The following SLC9B1 variants were observed in gnomAD, a reference collection of about 807,000 sequenced individuals.
SLC9B1 encodes the protein sodium/hydrogen exchanger 9B1.
A neutral mutation model predicts 51.7 loss-of-function variants in SLC9B1; 32 were observed. That is an observed-to-expected ratio of 0.62 (90% CI 0.47 to 0.83). SLC9B1 has a LOEUF of 0.83. SLC9B1 is among the 40% of genes least tolerant of loss of function. The pLI, the probability that SLC9B1 is intolerant of heterozygous loss-of-function variation, is 0.00. For synonymous variants in SLC9B1, 145 were observed against 212.7 expected (o/e 0.68, Z 2.77); for missense variants, 406 against 613.2 (o/e 0.66, Z 3.57).
intron 6 of SLC9B1, among the ~76,000 whole-genome samples, chr4:102,935,714 CT>C (rs35127221): frequency 0.55 from 83,147 of 151,876 alleles, 23,339 homozygotes; most frequent in African/African-American, 0.68. Flanking sequence ...AAATAATACT[CT>C]TTTTTTTCTC....
At chr4:103,005,534 T>C (rs1210995998) in intron 1 of SLC9B1, among the ~76,000 whole-genome samples, 6 of 152,124 alleles carry the variant, frequency 3.9e-5, no homozygotes, top group Non-Finnish European at 5.9e-5. Context: ...CCATTGACAG[T>C]ACTAGACAGA....
At chr4:102,886,124 A>G (rs1342134648) in intron 11 of SLC9B1, among the ~76,000 whole-genome samples, 1 of 152,232 alleles carries the variant, frequency 6.6e-6, no homozygotes, top group Non-Finnish European at 1.5e-5. Context: ...TTTAAAGGAT[A>G]TATAATGACA....
chr4:103,011,094 C>T (rs1741066223), intron 1 of SLC9B1, among the ~76,000 whole-genome samples: 1 of 152,104 alleles, frequency 6.6e-6, no homozygotes, highest in African/African-American at 2.4e-5. Context: ...AGCTGTAAGC[C>T]TATGATATCA....
intron 7 of SLC9B1, among the ~76,000 whole-genome samples, chr4:102,930,076 T>C (rs1045052957): frequency 7.2e-5 from 11 of 152,120 alleles, no homozygotes; most frequent in African/African-American, 2.2e-4. Flanking sequence ...CTAAAAGAAA[T>C]AGGCAAAAGA....
At chr4:102,945,407 T>C (rs1289255493) in intron 5 of SLC9B1, 87 bp from the exon 6 acceptor site, 35 of 1,397,398 alleles carry the variant, frequency 2.5e-5, no homozygotes, top group Non-Finnish European at 3.3e-5. Context: ...TAAAGTCTTT[T>C]TTCATAAGAA....
intron 4 of SLC9B1, among the ~76,000 whole-genome samples, chr4:102,947,082 T>C (rs1484166414): frequency 1.3e-5 from 2 of 152,014 alleles, no homozygotes; most frequent in East Asian, 3.9e-4. Context: ...TTTGGCAAAG[T>C]AAGGCACCAT....
Position 103,019,534 on chromosome 4 carries a change from C to T in SLC9B1, c.-2+65G>A, listed in dbSNP as rs1352112553. ...CTGCGGCCTACCGCAAGGAAACGAT[C>T]GCGGCAGACCCGGGACTAGCGCCAA... On this transcript the variant is annotated intron_variant, in intron 1 of 11. Coordinates refer to ENST00000296422, the MANE Select transcript of SLC9B1 (RefSeq NM_139173.4). The T allele has an allele frequency of 3.1e-6, 3 of 972,990 alleles. No homozygotes were observed. The African/African-American group carries it at 5.3e-5, about 17-fold the overall frequency. 60.3% of individuals were successfully genotyped at this position (972,990 alleles called of 1,614,324 possible).
intron 3 of SLC9B1, among the ~76,000 whole-genome samples, chr4:102,969,169 C>G (rs1209153847): frequency 6.6e-6 from 1 of 152,248 alleles, no homozygotes; most frequent in East Asian, 1.9e-4. Flanking sequence ...TCTGACAGCT[C>G]TGAAGAGAGC....
At chr4:102,936,119 G>T (rs529162759) in intron 6 of SLC9B1, among the ~76,000 whole-genome samples, 1 of 152,314 alleles carries the variant, frequency 6.6e-6, no homozygotes, top group Non-Finnish European at 1.5e-5. Context: ...GCCCTGCAAA[G>T]TTAGAGCATG....
At chr4:102,968,996 T>C (rs1475687809) in intron 3 of SLC9B1, among the ~76,000 whole-genome samples, 1 of 152,172 alleles carries the variant, frequency 6.6e-6, no homozygotes, top group East Asian at 1.9e-4. Context: ...GCGTCCACCA[T>C]TGCTGAGGCT....
chr4:102,975,793 C>T (rs986340869), intron 3 of SLC9B1, among the ~76,000 whole-genome samples: 9 of 151,196 alleles, frequency 6.0e-5, no homozygotes, highest in Middle Eastern at 3.4e-3. Context: ...GGTTTGAACT[C>T]CCAACCTCAG....
At chr4:102,939,648 A>C (rs1288186793) in intron 6 of SLC9B1, among the ~76,000 whole-genome samples, 1 of 152,186 alleles carries the variant, frequency 6.6e-6, no homozygotes, top group Non-Finnish European at 1.5e-5. Flanking sequence ...AGATGCAAAA[A>C]TCCTCAACAA....
chr4:103,009,941 C>T (rs1741005801), intron 1 of SLC9B1, among the ~76,000 whole-genome samples: 1 of 152,046 alleles, frequency 6.6e-6, no homozygotes, highest in African/African-American at 2.4e-5. Context: ...TAATGACTAC[C>T]TAGTATTATT....
intron 1 of SLC9B1, among the ~76,000 whole-genome samples, chr4:103,007,599 T>A (rs1474546430): frequency 2.0e-5 from 3 of 148,338 alleles, no homozygotes; most frequent in African/African-American, 5.0e-5. Flanking sequence ...ATCTTTTTTT[T>A]TTTTTTTTTT....
At chr4:102,993,513 A>G (rs978509650) in intron 1 of SLC9B1, among the ~76,000 whole-genome samples, 1 of 152,196 alleles carries the variant, frequency 6.6e-6, no homozygotes, top group Non-Finnish European at 1.5e-5. Flanking sequence ...ACAGGCTGGC[A>G]TTGAGGGTCT....
At chr4:102,902,682 G>A (rs1209331041) in intron 11 of SLC9B1, among the ~76,000 whole-genome samples, 3 of 151,994 alleles carry the variant, frequency 2.0e-5, no homozygotes, top group African/African-American at 4.8e-5. Flanking sequence ...TAATTCTTAC[G>A]ACAACCTTAT....
intron 1 of SLC9B1, among the ~76,000 whole-genome samples, chr4:102,995,312 G>A (rs1207871337): frequency 6.6e-6 from 1 of 152,168 alleles, no homozygotes; most frequent in Non-Finnish European, 1.5e-5. Flanking sequence ...GAAAATAAAT[G>A]AGGATCATAT....
chr4:102,970,104 C>G (rs1049591371), intron 3 of SLC9B1, among the ~76,000 whole-genome samples: 4 of 152,154 alleles, frequency 2.6e-5, no homozygotes, highest in African/African-American at 9.7e-5. Flanking sequence ...CCTAGCAAGG[C>G]AGGCCAACAT....
At chr4:102,885,494 T>C (rs1389020396) in intron 11 of SLC9B1, 1 of 1,256,700 alleles carries the variant, frequency 8.0e-7, no homozygotes, top group Admixed American at 1.7e-5. Flanking sequence ...GCCTCTTAAA[T>C]CCCCAGTTTT....
Sources: allele counts gnomAD v4.1 joint callset (sites outside exome capture counted in the v4.1 genomes callset), GRCh38; gene constraint gnomAD v4.1.1; transcripts MANE v1.5; gene names NCBI Gene and HGNC (gene_info 2026-07-23, HGNC 2026-07-21).